Variants in NAALAD2 observed in about 807,000 individuals in gnomAD.
NAALAD2 encodes the protein N-acetylated-alpha-linked acidic dipeptidase 2.
Under a neutral mutation model 95.6 loss-of-function variants are expected in NAALAD2, and 89 were observed. The ratio of observed to expected loss-of-function variants is 0.93; its 90% CI spans 0.78 to 1.11. The LOEUF is 1.11. Among genes scored for constraint, NAALAD2 ranks in the 50% least tolerant of loss-of-function variants. NAALAD2 has a pLI of 0.00. For synonymous variants in NAALAD2, 264 were observed against 294.4 expected (o/e 0.90, Z 1.06); for missense variants, 894 against 872.4 (o/e 1.02, Z -0.31).
chr11:90,152,905 A>G (rs1951927987), intron 6 of NAALAD2, among the ~76,000 whole-genome samples: 1 of 152,140 alleles, frequency 6.6e-6, no homozygotes, highest in Admixed American at 6.6e-5. Context: ...TGTTATTTAA[A>G]ACATAAAATT....
Position 90,191,805 on chromosome 11 carries a change from CCTTT to C in NAALAD2, c.*61_*64del. 1 of 1,327,400 alleles carries C rather than the reference CCTTT, an allele frequency of 7.5e-7. No individual in the cohort carries two copies. Among genetic ancestry groups the C allele is most frequent in the South Asian group, 2.0e-5 (1 of 50,996 alleles). The allele number at this position is 1,327,400 out of a possible 1,614,324, so 82.2% of individuals were successfully genotyped here. On this transcript the variant is annotated 3_prime_UTR_variant, in exon 19 of 19. Transcript: ENST00000534061. ...GCTAAAAGTCTGAGGATAAAATTCA[CCTTT>C]CTGATAACTTATGAAGCCAGGGTGT...
At chr11:90,182,344 G>T (rs1291250218) in intron 17 of NAALAD2, among the ~76,000 whole-genome samples, 2 of 151,954 alleles carry the variant, frequency 1.3e-5, no homozygotes, top group Admixed American at 1.3e-4. Flanking sequence ...TCCCATATTG[G>T]AAGAAAGCTA....
upstream of NAALAD2, chr11:90,131,726 A>G (rs1238395613): frequency 6.6e-6 from 1 of 152,112 alleles, no homozygotes; most frequent in African/African-American, 2.4e-5. Context: ...AAGGAACTTG[A>G]GCTTCAGGGT....
intron 2 of NAALAD2, among the ~76,000 whole-genome samples, chr11:90,145,095 A>G (rs1430559196): frequency 1.3e-5 from 2 of 152,138 alleles, no homozygotes; most frequent in African/African-American, 4.8e-5. Context: ...AGAAGGGGTA[A>G]ATGACCCTAT....
intron 14 of NAALAD2, among the ~76,000 whole-genome samples, chr11:90,175,411 T>C (rs143453751): frequency 6.6e-6 from 1 of 152,352 alleles, no homozygotes; most frequent in Admixed American, 6.5e-5. Context: ...CTAAAAATTT[T>C]CATGTCTTAC....
intron 13 of NAALAD2, 132 bp from the exon 14 acceptor site, chr11:90,173,692 C>G: frequency 2.0e-6 from 1 of 503,064 alleles, no homozygotes; most frequent in Non-Finnish European, 3.4e-6. Context: ...AAAACATATA[C>G]ATGTGTATAA....
At chr11:90,134,390 C>T, upstream of NAALAD2, 1 of 228,742 alleles carries the variant, frequency 4.4e-6, no homozygotes. Context: ...TACTTAAATT[C>T]ACTTCTGAGC....
intron 7 of NAALAD2, chr11:90,158,459 A>G (rs1206482731): frequency 4.7e-6 from 2 of 424,654 alleles, no homozygotes; most frequent in Admixed American, 4.4e-5. Context: ...GCTACAAATG[A>G]AATTCTCAAA....
In NAALAD2 at chr11:90,147,373, T is replaced by C; in HGVS notation, c.238T>C (p.Phe80Leu). The change falls in exon 3 of 19, where the codon TTC (phenylalanine) becomes CTC (leucine). Residue 80 changes from phenylalanine to leucine, a missense_variant. Phe to Leu is a conservative substitution (Grantham distance 22). Coordinates refer to ENST00000534061, the MANE Select transcript of NAALAD2 (RefSeq NM_005467.4). ...TCATCTGGCAGGAACAGAACAAAAT[T>C]TCTTGCTTGCCAAGAAAATCCAAAC... is the stretch of plus-strand genomic sequence containing the variant. ...LPHLAGTEQN[F>L]LLAKKIQTQW... The C allele has an allele frequency of 6.2e-7, 1 of 1,614,050 alleles. No individual in the cohort carries two copies. The highest frequency in any genetic ancestry group is 1.7e-5 in the Admixed American group (1 of 60,016).
In NAALAD2 at chr11:90,150,537, G is replaced by A; in HGVS notation, c.539G>A (p.Arg180Lys). ...ARTEDFFKLE[R>K]EMGINCTGKI... ...ACTGAAGACTTTTTCAAACTAGAAA[G>A]AGAGATGGGCATCAACTGTACTGGG... Residue 180 changes from arginine to lysine, a missense_variant, in exon 5 of 19, where the codon AGA (arginine) becomes AAA (lysine). Physicochemically the swap from Arg to Lys is conservative, Grantham distance 26 (BLOSUM62 2). Coordinates refer to ENST00000534061, the MANE Select transcript of NAALAD2 (RefSeq NM_005467.4). 1 of 1,611,340 alleles carries A rather than the reference G, an allele frequency of 6.2e-7. No homozygotes were observed. The highest frequency in any genetic ancestry group is 8.5e-7 in the Non-Finnish European group (1 of 1,178,156).
intron 18 of NAALAD2, among the ~76,000 whole-genome samples, chr11:90,188,828 A>C (rs186030017): frequency 7.9e-5 from 12 of 152,258 alleles, no homozygotes; most frequent in Non-Finnish European, 1.6e-4. Flanking sequence ...TCTATATTCT[A>C]TTACTCCTCG....
In NAALAD2 at chr11:90,163,344, C is replaced by T. The variant is rs1952349115; in HGVS notation, c.1110C>T (p.Ser370=). The T allele has an allele frequency of 1.9e-6, 3 of 1,613,972 alleles. No individual in the cohort carries two copies. Among genetic ancestry groups the T allele is most frequent in the Non-Finnish European group, 2.5e-6 (3 of 1,179,874 alleles). The change falls in exon 10 of 19, where the codon TCC becomes TCT. Residue 370 remains serine, a synonymous_variant. Transcript: ENST00000534061. Reference sequence around the variant, plus strand: ...TTATTCTGGGAGGTCACCGGGACTCCTGGGTATTTGGAGCTATTGACCCAA... The same window carrying T: ...TTATTCTGGGAGGTCACCGGGACTCTTGGGTATTTGGAGCTATTGACCCAA... ...RYVILGGHRD[S]WVFGAIDPTS...
chr11:90,163,010 A>G lies in NAALAD2; in HGVS notation c.1051A>G (p.Thr351Ala), dbSNP rs750672339. Residue 351 changes from threonine (T) to alanine (A), a missense_variant, in exon 9 of 19, where the codon ACT becomes GCT. Physicochemically the swap from Thr to Ala is moderately conservative, Grantham distance 58. Transcript: ENST00000534061. ...KITRIYNVVG[T>A]IRGSVEPDRY... Reference sequence around the variant, plus strand: ...TACAAGGATTTACAATGTAGTTGGAACTATCAGAGGATCTGTGGAACCTGG... The same window carrying G: ...TACAAGGATTTACAATGTAGTTGGAGCTATCAGAGGATCTGTGGAACCTGG... The G allele has an allele frequency of 6.3e-7, 1 of 1,575,012 alleles. No homozygotes were observed. The highest frequency in any genetic ancestry group is 1.2e-5 in the South Asian group (1 of 83,816).
At chr11:90,131,702 C>T (rs551652924), upstream of NAALAD2, 8 of 152,294 alleles carry the variant, frequency 5.3e-5, no homozygotes, top group East Asian at 1.5e-3. Context: ...TCAAACATTG[C>T]CATAACCTGT....
intron 11 of NAALAD2, among the ~76,000 whole-genome samples, chr11:90,167,971 T>TG (rs1325687920): frequency 6.6e-6 from 1 of 152,180 alleles, no homozygotes; most frequent in Admixed American, 6.5e-5. Flanking sequence ...GGCAACCCTC[T>TG]GGGGTCTCCT....
rs746691955 is a variant in NAALAD2, at chr11:90,181,717, C to CT, written c.1940+25dup. 1.1e-4 allele frequency: 157 copies of CT among 1,383,774 alleles called. No homozygotes were observed. Among genetic ancestry groups the CT allele is most frequent in the Admixed American group, 1.6e-4 (7 of 42,638 alleles). 85.7% of individuals were successfully genotyped at this position (1,383,774 alleles called of 1,614,324 possible). A position where few individuals can be genotyped will look rare whatever the true frequency, so the allele number is the denominator to read the frequency against. On this transcript the variant is annotated intron_variant, in intron 17 of 18. Transcript: ENST00000534061. ...ATCTTAACAAGTAAGTTTCAAATCC[C>CT]TTTTTTTTTAAAAAAAAAAAAAAAA...
rs771484013 is a variant in NAALAD2 at position 90,192,169 on chromosome 11, C to G, written c.*422C>G. On this transcript the variant is annotated 3_prime_UTR_variant, in exon 19 of 19. Transcript: ENST00000534061. ...ATTCAAGAGAAGGAAAAACAATGAT[C>G]ACAGCAATACTTGTATGCATGTTCA... 6.6e-6 allele frequency: 1 copy of G among 152,368 alleles called. No individual in the cohort carries two copies. Among genetic ancestry groups the G allele is most frequent in the Non-Finnish European group, 1.5e-5 (1 of 68,168 alleles). 9.4% of individuals were successfully genotyped at this position (152,368 alleles called of 1,614,324 possible).
At chr11:90,180,686 G>T (rs1952937176) in intron 16 of NAALAD2, among the ~76,000 whole-genome samples, 1 of 151,976 alleles carries the variant, frequency 6.6e-6, no homozygotes, top group South Asian at 2.1e-4. Context: ...TATGTTTAAA[G>T]TCCTGTGTAG....
At chr11:90,135,301 T>C (rs1951426347) in intron 1 of NAALAD2, among the ~76,000 whole-genome samples, 1 of 152,198 alleles carries the variant, frequency 6.6e-6, no homozygotes. Context: ...ACAAAAGCCA[T>C]GCCTTCATGC....
Sources: allele counts gnomAD v4.1 joint callset (sites outside exome capture counted in the v4.1 genomes callset), GRCh38; gene constraint gnomAD v4.1.1; transcripts MANE v1.5; gene names NCBI Gene and HGNC (gene_info 2026-07-23, HGNC 2026-07-21).